The following CHL1 variants were observed in gnomAD, a reference collection of about 807,000 sequenced individuals.
The protein encoded by CHL1 is cell adhesion molecule L1 like, also known as neural cell adhesion molecule L1-like protein.
A neutral mutation model predicts 141.9 loss-of-function variants in CHL1; 96 were observed. The observed-to-expected ratio is 0.68, with a 90% CI of 0.57 to 0.80. CHL1 has a LOEUF of 0.80. CHL1 is among the 30% of genes least tolerant of loss of function. CHL1 has a pLI of 0.00. For missense variants in CHL1, 1,820 were observed against 1,457.2 expected (o/e 1.25, Z -4.05); for synonymous variants, 613 against 502.2 (o/e 1.22, Z -2.95).
intron 1 of CHL1, among the ~76,000 whole-genome samples, chr3:237,955 T>C (rs13060510): frequency 2.6e-5 from 4 of 151,948 alleles, no homozygotes; most frequent in Non-Finnish European, 5.9e-5. Context: ...ATTGCCTATA[T>C]AAGGTTTTGC....
intron 3 of CHL1, among the ~76,000 whole-genome samples, chr3:321,297 T>A (rs1486036566): frequency 6.6e-6 from 1 of 152,078 alleles, no homozygotes; most frequent in Non-Finnish European, 1.5e-5. Flanking sequence ...TCCACTTATC[T>A]GACCTACAAA....
chr3:354,517 G>A, intron 10 of CHL1, 123 bp from the exon 11 acceptor site: 3 of 1,073,356 alleles, frequency 2.8e-6, no homozygotes, highest in Non-Finnish European at 2.7e-6. Flanking sequence ...ACCAAAAAGA[G>A]CTACTATGAA....
intron 17 of CHL1, 48 bp downstream of exon 17, chr3:382,328 T>G: frequency 1.3e-6 from 2 of 1,546,342 alleles, no homozygotes. Context: ...ATAGTCAAAA[T>G]TAATAGCGAA....
chr3:382,475 G>A lies in CHL1; in HGVS notation c.1980G>A (p.Glu660=), dbSNP rs528632674. 8.7e-6 allele frequency: 14 copies of A among 1,612,042 alleles called. No homozygotes were observed. Among genetic ancestry groups the A allele is most frequent in the Non-Finnish European group, 1.2e-5 (14 of 1,178,342 alleles). ...AGADHNSNIS[E]YIVEFEGNKE... ...TTTTTTCCCTGTTTATACTACCAGA[G>A]TATATTGTTGAATTTGAAGGAAACA... Residue 660 remains glutamate (E), a splice_region_variant and synonymous_variant, in exon 18 of 28, where the codon GAG becomes GAA. Coordinates refer to ENST00000256509, the MANE Select transcript of CHL1 (RefSeq NM_006614.4).
At chr3:278,845 C>G (rs1405721385) in intron 2 of CHL1, among the ~76,000 whole-genome samples, 2 of 152,308 alleles carry the variant, frequency 1.3e-5, no homozygotes, top group Non-Finnish European at 2.9e-5. Context: ...TGAACTCTGT[C>G]AAACTTAGAC....
At chr3:274,758 G>A (rs1695941243) in intron 2 of CHL1, among the ~76,000 whole-genome samples, 1 of 152,160 alleles carries the variant, frequency 6.6e-6, no homozygotes, top group South Asian at 2.1e-4. Context: ...TGAAATACAG[G>A]TGTATCTGTC....
At chr3:361,632 A>G in intron 12 of CHL1, 67 bp from the exon 13 acceptor site, 1 of 1,097,188 alleles carries the variant, frequency 9.1e-7, no homozygotes, top group Non-Finnish European at 1.4e-6. Flanking sequence ...TAGGACATAG[A>G]AAAATTTAAT....
intron 2 of CHL1, among the ~76,000 whole-genome samples, chr3:290,000 C>G (rs896056741): frequency 1.4e-5 from 2 of 141,474 alleles, no homozygotes; most frequent in Non-Finnish European, 3.0e-5. Flanking sequence ...AGTATACTCA[C>G]AGTATACTCA....
chr3:335,467 C>T (rs1701788637), intron 5 of CHL1, among the ~76,000 whole-genome samples: 1 of 152,082 alleles, frequency 6.6e-6, no homozygotes, highest in Non-Finnish European at 1.5e-5. Context: ...ATCTCTTTAC[C>T]AAAGGAAACC....
At chr3:375,373 A>AG (rs1185118093) in intron 15 of CHL1, among the ~76,000 whole-genome samples, 1 of 151,946 alleles carries the variant, frequency 6.6e-6, no homozygotes, top group East Asian at 1.9e-4. Flanking sequence ...GTGGGAGGAA[A>AG]GGGCATTGAG....
At chr3:208,998 T>C (rs1699677468) in intron 1 of CHL1, among the ~76,000 whole-genome samples, 1 of 152,112 alleles carries the variant, frequency 6.6e-6, no homozygotes, top group Non-Finnish European at 1.5e-5. Flanking sequence ...GTACTGCAAA[T>C]AAAAGTAAAA....
chr3:326,512 G>A (rs1312103564), intron 4 of CHL1, among the ~76,000 whole-genome samples: 1 of 151,208 alleles, frequency 6.6e-6, no homozygotes, highest in Non-Finnish European at 1.5e-5. Flanking sequence ...TTTTTTTTAA[G>A]TTGTCATAGA....
At chr3:350,672 G>A (rs977260655) in intron 10 of CHL1, among the ~76,000 whole-genome samples, 3 of 151,820 alleles carry the variant, frequency 2.0e-5, no homozygotes, top group Admixed American at 6.6e-5. Context: ...GTTGATTTAG[G>A]CAAACCCCTG....
At chr3:276,199 T>C (rs1204902276) in intron 2 of CHL1, among the ~76,000 whole-genome samples, 3 of 152,314 alleles carry the variant, frequency 2.0e-5, no homozygotes, top group African/African-American at 7.2e-5. Context: ...TCATTATGTC[T>C]GTTTAATTCA....
At chr3:236,931 T>C (rs1692043894) in intron 1 of CHL1, among the ~76,000 whole-genome samples, 1 of 151,714 alleles carries the variant, frequency 6.6e-6, no homozygotes, top group Admixed American at 6.6e-5. Context: ...GAAATTCTCA[T>C]GTCGTGGATA....
intron 12 of CHL1, among the ~76,000 whole-genome samples, chr3:360,724 A>G (rs542615354): frequency 6.4e-5 from 9 of 140,630 alleles, no homozygotes; most frequent in Non-Finnish European, 9.1e-5. Flanking sequence ...ATATCTCCCG[A>G]TGCTATCCCG....
At chr3:333,133 AT>A (rs58730049) in intron 5 of CHL1, among the ~76,000 whole-genome samples, 3,804 of 99,548 alleles carry the variant, frequency 0.038, 293 homozygotes, top group African/African-American at 0.13. Flanking sequence ...TATTTTTTTT[AT>A]TTTTTTTTTT....
rs766772769 is a variant in CHL1, at chr3:349,343, T to TAAC, written c.849-15_849-13dup. 12 of 1,599,452 alleles carry TAAC rather than the reference T, an allele frequency of 7.5e-6. No individual in the cohort carries two copies. The Admixed American group carries it at 2.1e-4, about 28-fold the overall frequency. ...GCTTTTAAAAAAATGTTTATTTATT[T>TAAC]AACTATTTTTTGCAGGCCAACTCCA... On this transcript the variant is annotated splice_polypyrimidine_tract_variant and intron_variant, in intron 9 of 27. Coordinates refer to ENST00000256509, the MANE Select transcript of CHL1 (RefSeq NM_006614.4).
intron 2 of CHL1, among the ~76,000 whole-genome samples, chr3:254,464 G>T (rs896256276): frequency 6.6e-6 from 1 of 152,158 alleles, no homozygotes; most frequent in Admixed American, 6.5e-5. Context: ...AAAGGGCTAG[G>T]TATTTTCTAG....
Sources: allele counts gnomAD v4.1 joint callset (sites outside exome capture counted in the v4.1 genomes callset), GRCh38; gene constraint gnomAD v4.1.1; transcripts MANE v1.5; gene names NCBI Gene and HGNC (gene_info 2026-07-23, HGNC 2026-07-21).